Variants in FRMD4B observed in about 807,000 individuals in gnomAD.
FRMD4B encodes the protein FERM domain containing 4B, also known as FERM domain-containing protein 4B.
In FRMD4B, 74 loss-of-function variants were observed where a neutral mutation model predicts 141.5. The observed-to-expected ratio is 0.52, with a 90% CI of 0.43 to 0.63. The LOEUF (loss-of-function observed/expected upper bound fraction) is 0.63, where lower values mean the gene tolerates loss of function less well. Among genes scored for constraint, FRMD4B ranks in the 30% least tolerant of loss-of-function variants. The pLI, the probability that FRMD4B is intolerant of heterozygous loss-of-function variation, is 0.00. For synonymous variants in FRMD4B, 506 were observed against 467.9 expected (o/e 1.08, Z -1.05); for missense variants, 1,366 against 1,253.4 (o/e 1.09, Z -1.36).
chr3:69,176,449 C>T (rs141472756), intron 22 of FRMD4B, 75 bp downstream of exon 22: 24 of 1,260,632 alleles, frequency 1.9e-5, no homozygotes, highest in Admixed American at 7.3e-5. Context: ...GATTATCTGA[C>T]GTTTGTAAAT....
At chr3:69,262,972 T>A (rs1197889195) in intron 5 of FRMD4B, among the ~76,000 whole-genome samples, 1 of 151,942 alleles carries the variant, frequency 6.6e-6, no homozygotes, top group African/African-American at 2.4e-5. Flanking sequence ...TTAAAAGCAA[T>A]TGTAGGCTGG....
At position 69,327,383 on chromosome 3, in the gene FRMD4B, C is replaced by T. The variant is rs1057209899; in HGVS notation, c.163-13866G>A. Among the ~76,000 whole-genome samples the T allele has an allele frequency of 4.6e-5, 7 of 152,192 alleles. No homozygotes were observed. The East Asian group carries it at 1.3e-3, about 29-fold the overall frequency. The stretch of plus-strand genomic sequence containing the variant: ...GGTATTGCCTATTCACGGTATAATA[C>T]ATTTGGAAATCCTGGGCTCAATGGA... On this transcript the variant is annotated intron_variant, in intron 1 of 22. Transcript: ENST00000398540.
chr3:69,537,177 G>A (rs912671085), intron 1 of FRMD4B, among the ~76,000 whole-genome samples: 11 of 152,200 alleles, frequency 7.2e-5, no homozygotes, highest in Non-Finnish European at 1.6e-4. Flanking sequence ...CATTAACCAG[G>A]ATTGACCCAG....
At chr3:69,496,443 TC>T (rs1706389327) in intron 1 of FRMD4B, among the ~76,000 whole-genome samples, 2 of 152,272 alleles carry the variant, frequency 1.3e-5, no homozygotes, top group African/African-American at 4.8e-5. Flanking sequence ...CCCAAGTTCA[TC>T]CAATTAGGGT....
At chr3:69,265,269 AATATATATAT>A (rs1175250592) in intron 5 of FRMD4B, among the ~76,000 whole-genome samples, 63 of 23,434 alleles carry the variant, frequency 2.7e-3, no homozygotes, top group African/African-American at 4.3e-3. Flanking sequence ...AAAAAAAAAA[AATATATATAT>A]ATATATATAT....
chr3:69,174,515 T>C (rs2092622563), intron 22 of FRMD4B, among the ~76,000 whole-genome samples: 1 of 152,196 alleles, frequency 6.6e-6, no homozygotes, highest in Admixed American at 6.6e-5. Flanking sequence ...CCTACTTATT[T>C]ATCTCTTTAT....
At chr3:69,450,079 G>C (rs963673798) in intron 1 of FRMD4B, among the ~76,000 whole-genome samples, 1 of 152,166 alleles carries the variant, frequency 6.6e-6, no homozygotes, top group Non-Finnish European at 1.5e-5. Flanking sequence ...TGGGGAGAAC[G>C]AGGTCACTGA....
intron 17 of FRMD4B, 89 bp from the exon 18 acceptor site, chr3:69,190,041 T>C (rs1308994507): frequency 9.8e-6 from 7 of 715,792 alleles, no homozygotes; most frequent in Non-Finnish European, 1.7e-5. Context: ...GGAATGCATT[T>C]TCATTTAAAT....
intron 5 of FRMD4B, among the ~76,000 whole-genome samples, chr3:69,259,385 A>G (rs1386472961): frequency 6.6e-6 from 1 of 152,202 alleles, no homozygotes; most frequent in Non-Finnish European, 1.5e-5. Context: ...CCCGGTTCCT[A>G]ACAGGCCATG....
At chr3:69,185,566 C>G (rs1481994461) in intron 19 of FRMD4B, among the ~76,000 whole-genome samples, 1 of 152,112 alleles carries the variant, frequency 6.6e-6, no homozygotes, top group Non-Finnish European at 1.5e-5. Flanking sequence ...TACCTAGGTT[C>G]AAACCTTGAT....
chr3:69,255,498 T>C (rs188058028), intron 5 of FRMD4B, among the ~76,000 whole-genome samples: 122 of 152,242 alleles, frequency 8.0e-4, no homozygotes, highest in Non-Finnish European at 7.2e-4. Flanking sequence ...TGAGCTGTGA[T>C]TGTGCCACTG....
At chr3:69,444,868 C>G (rs1705388454) in intron 1 of FRMD4B, among the ~76,000 whole-genome samples, 2 of 152,122 alleles carry the variant, frequency 1.3e-5, no homozygotes, top group African/African-American at 4.8e-5. Flanking sequence ...TAATGCTAAA[C>G]TAGATGTAAA....
At chr3:69,403,228 C>A (rs1411267720) in intron 2 of FRMD4B, among the ~76,000 whole-genome samples, 1 of 152,176 alleles carries the variant, frequency 6.6e-6, no homozygotes, top group Admixed American at 6.5e-5. Context: ...GAAAAAAAAT[C>A]ATTCCTTCCT....
chr3:69,322,996 A>G, intron 1 of FRMD4B: 1 of 968,800 alleles, frequency 1.0e-6, no homozygotes, highest in Middle Eastern at 5.3e-4. Flanking sequence ...CAGTCGTACC[A>G]AAGTAGGACT....
chr3:69,363,788 G>A (rs1171471034), intron 1 of FRMD4B, among the ~76,000 whole-genome samples: 1 of 152,176 alleles, frequency 6.6e-6, no homozygotes, highest in African/African-American at 2.4e-5. Flanking sequence ...CCCTGGCAGA[G>A]GAATAAGGTC....
At chr3:69,451,611 G>T (rs1201012287) in intron 1 of FRMD4B, among the ~76,000 whole-genome samples, 6 of 152,308 alleles carry the variant, frequency 3.9e-5, no homozygotes, top group Admixed American at 2.0e-4. Context: ...GCAAAGCTGA[G>T]ACTAGCAACC....
At chr3:69,527,355 C>A (rs1018918087) in intron 1 of FRMD4B, among the ~76,000 whole-genome samples, 2 of 152,120 alleles carry the variant, frequency 1.3e-5, no homozygotes, top group African/African-American at 2.4e-5. Flanking sequence ...GAGCGCAAAC[C>A]TGCCAAGCAC....
chr3:69,327,556 C>T (rs1702225125), intron 1 of FRMD4B, among the ~76,000 whole-genome samples: 1 of 152,068 alleles, frequency 6.6e-6, no homozygotes, highest in Admixed American at 6.5e-5. Flanking sequence ...TTTCGTCAAC[C>T]CTGTTAGAAT....
chr3:69,354,233 T>C (rs1006102636), intron 1 of FRMD4B, among the ~76,000 whole-genome samples: 2 of 152,192 alleles, frequency 1.3e-5, no homozygotes, highest in Non-Finnish European at 2.9e-5. Flanking sequence ...TTGCATTTAA[T>C]GAAATCATTA....
Sources: gnomAD v4.1 joint callset for allele counts (sites outside exome capture counted in the v4.1 genomes callset) on GRCh38, gnomAD v4.1.1 for gene constraint, MANE v1.5 for transcripts, NCBI Gene and HGNC (gene_info 2026-07-23, HGNC 2026-07-21) for gene names.